Variants in ROBO1 observed in about 807,000 individuals in gnomAD.
ROBO1 encodes the protein roundabout homolog 1.
A neutral mutation model predicts 195.9 loss-of-function variants in ROBO1; 149 were observed. The ratio of observed to expected loss-of-function variants is 0.76; its 90% CI spans 0.67 to 0.87. The LOEUF (loss-of-function observed/expected upper bound fraction) is 0.87, where lower values mean the gene tolerates loss of function less well. Among genes scored for constraint, ROBO1 ranks in the 40% least tolerant of loss-of-function variants. ROBO1 has a pLI of 0.00. For missense variants in ROBO1, 1,933 were observed against 2,068.3 expected (o/e 0.93, Z 1.27); for synonymous variants, 816 against 733.2 (o/e 1.11, Z -1.82).
intron 29 of ROBO1, among the ~76,000 whole-genome samples, chr3:78,600,707 C>T (rs976231081): frequency 6.6e-6 from 1 of 152,100 alleles, no homozygotes; most frequent in Non-Finnish European, 1.5e-5. Flanking sequence ...ACATCTATAC[C>T]TAGAGGGTTT....
intron 2 of ROBO1, among the ~76,000 whole-genome samples, chr3:79,396,239 A>G (rs965019903): frequency 2.6e-5 from 4 of 152,130 alleles, no homozygotes; most frequent in African/African-American, 9.7e-5. Context: ...GAACAAAGAA[A>G]CAAGACACTT....
chr3:79,704,323 G>A (rs1341938220), intron 1 of ROBO1, among the ~76,000 whole-genome samples: 1 of 151,846 alleles, frequency 6.6e-6, no homozygotes, highest in Admixed American at 6.6e-5. Flanking sequence ...ACTGCCCTAA[G>A]AACCCCTCTA....
At chr3:79,514,926 A>G (rs2107554329) in intron 2 of ROBO1, among the ~76,000 whole-genome samples, 1 of 152,370 alleles carries the variant, frequency 6.6e-6, no homozygotes, top group Non-Finnish European at 1.5e-5. Flanking sequence ...CATTTTACAA[A>G]TATGGAATCA....
At chr3:79,111,775 C>A (rs2079891690) in intron 3 of ROBO1, among the ~76,000 whole-genome samples, 1 of 152,106 alleles carries the variant, frequency 6.6e-6, no homozygotes, top group African/African-American at 2.4e-5. Flanking sequence ...ATACTGGATA[C>A]AAGGGCTAGT....
chr3:78,620,533 T>A (rs1245780352), intron 26 of ROBO1, among the ~76,000 whole-genome samples: 1 of 152,138 alleles, frequency 6.6e-6, no homozygotes, highest in Non-Finnish European at 1.5e-5. Context: ...AGAAAAACAT[T>A]TTCTGCTTTT....
At chr3:79,619,332 C>T (rs1167631903) in intron 1 of ROBO1, among the ~76,000 whole-genome samples, 1 of 152,116 alleles carries the variant, frequency 6.6e-6, no homozygotes, top group Non-Finnish European at 1.5e-5. Flanking sequence ...CTTCCACTCT[C>T]CATTCCCCCT....
chr3:78,827,690 G>A (rs1431845925), intron 4 of ROBO1, among the ~76,000 whole-genome samples: 1 of 152,184 alleles, frequency 6.6e-6, no homozygotes, highest in African/African-American at 2.4e-5. Flanking sequence ...GGATAGGCCA[G>A]TGGGCTGGAG....
intron 4 of ROBO1, among the ~76,000 whole-genome samples, chr3:78,893,678 A>T (rs2037052710): frequency 6.6e-6 from 1 of 152,172 alleles, no homozygotes; most frequent in South Asian, 2.1e-4. Context: ...AAAACAATGC[A>T]CTTGTATTAC....
intron 2 of ROBO1, among the ~76,000 whole-genome samples, chr3:79,212,817 C>A: frequency 6.7e-6 from 1 of 149,802 alleles, no homozygotes; most frequent in Non-Finnish European, 1.5e-5. Flanking sequence ...AAGACTCTGT[C>A]TCAGAAAAAA....
intron 5 of ROBO1, among the ~76,000 whole-genome samples, chr3:78,735,742 A>G (rs1032692027): frequency 6.6e-6 from 1 of 152,188 alleles, no homozygotes; most frequent in African/African-American, 2.4e-5. Flanking sequence ...ATATGAAATA[A>G]ATCCATGAAA....
chr3:79,052,310 A>T (rs2078716276), intron 3 of ROBO1, among the ~76,000 whole-genome samples: 1 of 151,988 alleles, frequency 6.6e-6, no homozygotes, highest in Non-Finnish European at 1.5e-5. Context: ...TAGGATTGGG[A>T]AATTCCAGCC....
At chr3:78,878,141 A>G (rs996420309) in intron 4 of ROBO1, among the ~76,000 whole-genome samples, 1 of 152,116 alleles carries the variant, frequency 6.6e-6, no homozygotes, top group Non-Finnish European at 1.5e-5. Flanking sequence ...AGAACCCAAC[A>G]ATACTCTAAT....
intron 2 of ROBO1, among the ~76,000 whole-genome samples, chr3:79,368,172 A>G (rs555832347): frequency 5.3e-5 from 8 of 152,198 alleles, no homozygotes; most frequent in African/African-American, 1.9e-4. Context: ...GCCTCAAATG[A>G]TCCGCTCACC....
chr3:79,616,258 C>T (rs1378029325), intron 1 of ROBO1, among the ~76,000 whole-genome samples: 1 of 152,204 alleles, frequency 6.6e-6, no homozygotes. Flanking sequence ...GGGCCATTAA[C>T]ATGCCAAGAG....
intron 3 of ROBO1, chr3:79,018,290 G>T: frequency 8.8e-7 from 1 of 1,134,948 alleles, no homozygotes; most frequent in Non-Finnish European, 1.3e-6. Flanking sequence ...CAGGAATCGA[G>T]CCCCTCCGGC....
intron 1 of ROBO1, among the ~76,000 whole-genome samples, chr3:79,630,676 A>G (rs1433339543): frequency 6.6e-6 from 1 of 152,034 alleles, no homozygotes; most frequent in African/African-American, 2.4e-5. Flanking sequence ...CCAAATTATA[A>G]AAAAGAGTAG....
chr3:78,940,753 C>T (rs922429070), intron 3 of ROBO1, among the ~76,000 whole-genome samples: 12 of 152,190 alleles, frequency 7.9e-5, no homozygotes, highest in African/African-American at 2.9e-4. Flanking sequence ...TTGTCGGATG[C>T]TATTTGTCCG....
At chr3:79,379,295 C>A (rs753458695) in intron 2 of ROBO1, among the ~76,000 whole-genome samples, 1 of 152,178 alleles carries the variant, frequency 6.6e-6, no homozygotes, top group Non-Finnish European at 1.5e-5. Context: ...TCACGGCCAG[C>A]AGAGTGTAGT....
At chr3:79,610,886 A>C (rs1944636707) in intron 1 of ROBO1, among the ~76,000 whole-genome samples, 1 of 152,086 alleles carries the variant, frequency 6.6e-6, no homozygotes, top group African/African-American at 2.4e-5. Flanking sequence ...AAACATTAGG[A>C]GTCTATCAAC....
Sources: gnomAD v4.1 joint callset for allele counts (sites outside exome capture counted in the v4.1 genomes callset) on GRCh38, gnomAD v4.1.1 for gene constraint, MANE v1.5 for transcripts, NCBI Gene and HGNC (gene_info 2026-07-23, HGNC 2026-07-21) for gene names.